The following GFRA2 variants were observed in gnomAD, a reference collection of about 807,000 sequenced individuals.
GFRA2 encodes GDNF family receptor alpha-2.
GFRA2 carries 17 observed loss-of-function variants against 48.3 expected under a neutral mutation model. That is an observed-to-expected ratio of 0.35 (90% CI 0.24 to 0.53). GFRA2 has a LOEUF of 0.53. Among genes scored for constraint, GFRA2 ranks in the 20% least tolerant of loss-of-function variants. The pLI is 0.93. For synonymous variants in GFRA2, 305 were observed against 257.2 expected (o/e 1.19, Z -1.78); for missense variants, 660 against 637.3 (o/e 1.04, Z -0.38).
intron 4 of GFRA2, among the ~76,000 whole-genome samples, chr8:21,748,497 C>T (rs1467912448): frequency 6.6e-6 from 1 of 152,170 alleles, no homozygotes; most frequent in Non-Finnish European, 1.5e-5. Flanking sequence ...CCATCAAGGC[C>T]ACTTCCCAAT....
chr8:21,767,568 G>A (rs914976708), intron 3 of GFRA2, among the ~76,000 whole-genome samples: 32 of 152,342 alleles, frequency 2.1e-4, no homozygotes, highest in Non-Finnish European at 3.8e-4. Flanking sequence ...CAGGGAGCCC[G>A]GAGCCCCACC....
At chr8:21,742,136 G>T (rs1804777389) in intron 4 of GFRA2, among the ~76,000 whole-genome samples, 1 of 152,132 alleles carries the variant, frequency 6.6e-6, no homozygotes, top group African/African-American at 2.4e-5. Flanking sequence ...TGATGGAGGG[G>T]AAGTCTAGAT....
At chr8:21,741,820 G>A (rs950086545) in intron 4 of GFRA2, among the ~76,000 whole-genome samples, 4 of 151,978 alleles carry the variant, frequency 2.6e-5, no homozygotes, top group Non-Finnish European at 4.4e-5. Context: ...TACTCAGGAG[G>A]CTGAGGCAGG....
Position 21,782,794 on chromosome 8 carries a change from G to A in GFRA2, c.146C>T (p.Ala49Val), listed in dbSNP as rs1807076290. 1 of 1,584,040 alleles carries A rather than the reference G, an allele frequency of 6.3e-7. No individual in the cohort carries two copies. Among genetic ancestry groups the A allele is most frequent in the Non-Finnish European group, 8.6e-7 (1 of 1,169,536 alleles). ...DCVRANELCA[A>V]ESNCSSRYRT... ...GTAGCGAGAGCTGCAGTTGGATTCGGCGGCACACAGCTCATTGGCCCGGAC... is the reference window on the plus strand; with the variant it reads ...GTAGCGAGAGCTGCAGTTGGATTCGACGGCACACAGCTCATTGGCCCGGAC... The change falls in exon 2 of 9, where the codon GCC (alanine) becomes GTC (valine). Residue 49 changes from alanine (A) to valine (V), a missense_variant. Ala to Val is a moderately conservative substitution (Grantham distance 64, BLOSUM62 0). Coordinates refer to ENST00000524240, the MANE Select transcript of GFRA2 (RefSeq NM_001495.5).
chr8:21,804,780 G>A (rs1245876163), intron 2 of GFRA2, among the ~76,000 whole-genome samples: 1 of 152,046 alleles, frequency 6.6e-6, no homozygotes, highest in Non-Finnish European at 1.5e-5. Flanking sequence ...TGCTGGCTGG[G>A]GCTTCTGGGC....
intron 4 of GFRA2, among the ~76,000 whole-genome samples, chr8:21,714,579 T>A (rs560227761): frequency 6.6e-6 from 1 of 152,182 alleles, no homozygotes; most frequent in African/African-American, 2.4e-5. Flanking sequence ...GTCACTTCCA[T>A]GGAAACCAGG....
Position 21,751,503 on chromosome 8 carries a change from G to C in GFRA2, c.440-561C>G, listed in dbSNP as rs531798485. Among the ~76,000 whole-genome samples, 14 of 152,090 alleles carry C rather than the reference G, an allele frequency of 9.2e-5. No individual in the cohort carries two copies. In the South Asian group the frequency reaches 2.9e-3, roughly 32 times the overall value. On this transcript the variant is annotated intron_variant, in intron 3 of 8. Coordinates refer to ENST00000524240, the MANE Select transcript of GFRA2 (RefSeq NM_001495.5). ...TTACAGATAAGGAAACTGAAGCACT[G>C]TGTGGGCAAGGGGCCTGCCCAAGGT...
At chr8:21,715,121 C>T (rs764823460) in intron 4 of GFRA2, among the ~76,000 whole-genome samples, 112 of 152,334 alleles carry the variant, frequency 7.4e-4, no homozygotes, top group Non-Finnish European at 1.3e-3. Flanking sequence ...CCTGATCTTC[C>T]ATCCTTTCCA....
chr8:21,759,166 A>G (rs1197172154), intron 3 of GFRA2, among the ~76,000 whole-genome samples: 1 of 151,974 alleles, frequency 6.6e-6, no homozygotes, highest in Non-Finnish European at 1.5e-5. Context: ...TGAGGCGGGC[A>G]GATCACTGGA....
At chr8:21,727,483 G>A (rs1803929821) in intron 4 of GFRA2, among the ~76,000 whole-genome samples, 1 of 152,230 alleles carries the variant, frequency 6.6e-6, no homozygotes, top group African/African-American at 2.4e-5. Context: ...CAGGGCAGAA[G>A]TCTGTGGGGC....
chr8:21,800,090 A>G (rs945422861), intron 2 of GFRA2, among the ~76,000 whole-genome samples: 9 of 152,200 alleles, frequency 5.9e-5, no homozygotes, highest in African/African-American at 2.2e-4. Flanking sequence ...ACCTTGGAAG[A>G]CAGTCTTGTA....
chr8:21,755,882 A>G (rs186237231), intron 3 of GFRA2, among the ~76,000 whole-genome samples: 60 of 152,358 alleles, frequency 3.9e-4, no homozygotes, highest in African/African-American at 1.4e-3. Flanking sequence ...AGCTGCTACC[A>G]AACCATTCTG....
intron 7 of GFRA2, among the ~76,000 whole-genome samples, chr8:21,696,260 G>A (rs1025472016): frequency 1.9e-4 from 29 of 150,980 alleles, no homozygotes; most frequent in African/African-American, 5.9e-4. Flanking sequence ...AGCCCATGGG[G>A]AATCACAGAG....
intron 1 of GFRA2, among the ~76,000 whole-genome samples, chr8:21,809,074 T>A (rs531500663): frequency 1.3e-5 from 2 of 152,178 alleles, no homozygotes; most frequent in African/African-American, 4.8e-5. Context: ...GAGGGTAGTG[T>A]GCCCATTTAG....
intron 2 of GFRA2, 27 bp from the exon 3 acceptor site, chr8:21,775,082 C>A: frequency 6.2e-6 from 7 of 1,135,630 alleles, no homozygotes; most frequent in Non-Finnish European, 9.4e-6. Context: ...GCATCAGATG[C>A]GGGCTCCTCC....
At chr8:21,798,530 C>T (rs1807716552) in intron 2 of GFRA2, among the ~76,000 whole-genome samples, 4 of 152,190 alleles carry the variant, frequency 2.6e-5, no homozygotes, top group South Asian at 4.1e-4. Flanking sequence ...CGCTCTGCCA[C>T]CAGCTGACCA....
rs138650170 is a variant in GFRA2 at position 21,738,846 on chromosome 8, A to C, written c.794+11742T>G. Among the ~76,000 whole-genome samples the C allele has an allele frequency of 7.2e-5, 11 of 152,328 alleles. No individual in the cohort carries two copies. The East Asian group carries it at 1.9e-3, about 27-fold the overall frequency. ...TTAGGGAAGGTCTGCGGTTCACTCC[A>C]GCATCCCAGGTGCAAGGCTCCCAGA... On this transcript the variant is annotated intron_variant, in intron 4 of 8. Coordinates refer to ENST00000524240, the MANE Select transcript of GFRA2 (RefSeq NM_001495.5).
chr8:21,769,556 AGTAGG>A (rs1231455371), intron 3 of GFRA2, among the ~76,000 whole-genome samples: 4 of 152,176 alleles, frequency 2.6e-5, no homozygotes, highest in Non-Finnish European at 5.9e-5. Context: ...GAGCTCCCAC[AGTAGG>A]GTAAGGCCAG....
intron 7 of GFRA2, among the ~76,000 whole-genome samples, chr8:21,694,815 G>A (rs925393704): frequency 3.3e-5 from 5 of 152,184 alleles, no homozygotes; most frequent in Admixed American, 2.0e-4. Flanking sequence ...TATACTCAGC[G>A]CAACTCTTGG....
Sources: allele counts gnomAD v4.1 joint callset (sites outside exome capture counted in the v4.1 genomes callset), GRCh38; gene constraint gnomAD v4.1.1; transcripts MANE v1.5; gene names NCBI Gene and HGNC (gene_info 2026-07-23, HGNC 2026-07-21).